The following ADGRV1 variants were observed in gnomAD, a reference collection of about 807,000 sequenced individuals.
The protein encoded by ADGRV1 is G-protein coupled receptor 98.
ADGRV1 carries 359 observed loss-of-function variants against 596.2 expected under a neutral mutation model. The observed-to-expected ratio is 0.60, with a 90% CI of 0.55 to 0.66. The LOEUF (loss-of-function observed/expected upper bound fraction) is 0.66. Ranked by LOEUF, ADGRV1 falls within the 30% of genes least tolerant of loss-of-function variation. The pLI, the probability that ADGRV1 is intolerant of heterozygous loss-of-function variation, is 0.00. For synonymous variants in ADGRV1, 2,681 were observed against 2,679.2 expected (o/e 1.00, Z -0.02); for missense variants, 7,274 against 7,575.6 (o/e 0.96, Z 1.48).
In ADGRV1 at chr5:90,952,119, C is replaced by T. The variant is rs576608570; in HGVS notation, c.17857-13296C>T. ...ACTATTTATATTTGCCCATAGTCTG[C>T]ATTGTACTTTTAAAATTCTTTCTCT... On this transcript the variant is annotated intron_variant, in intron 83 of 89. Transcript: ENST00000405460. Among the ~76,000 whole-genome samples the T allele has an allele frequency of 2.0e-5, 3 of 152,298 alleles. No homozygotes were observed. The South Asian group carries it at 6.2e-4, about 32-fold the overall frequency.
intron 85 of ADGRV1, among the ~76,000 whole-genome samples, chr5:91,006,361 T>C (rs892545382): frequency 6.6e-6 from 1 of 152,110 alleles, no homozygotes. Context: ...AAAATGAATA[T>C]TTGTAAAGAG....
At chr5:90,559,052 G>A in intron 1 of ADGRV1, 135 bp downstream of exon 1, 1 of 681,342 alleles carries the variant, frequency 1.5e-6, no homozygotes, top group Non-Finnish European at 2.2e-6. Flanking sequence ...CAGGGAGGCT[G>A]GGCGCGCACC....
intron 83 of ADGRV1, among the ~76,000 whole-genome samples, chr5:90,923,023 A>AT (rs1292883390): frequency 7.1e-6 from 1 of 140,606 alleles, no homozygotes; most frequent in African/African-American, 2.4e-5. Flanking sequence ...TAATGGTCCT[A>AT]TAAGAAGTTA....
At chr5:91,031,225 C>A in intron 85 of ADGRV1, 1 of 1,589,318 alleles carries the variant, frequency 6.3e-7, no homozygotes, top group South Asian at 1.1e-5. Flanking sequence ...CCATGTGGTT[C>A]CTTCAAGGGG....
At chr5:90,800,056 A>G (rs1324767370) in intron 70 of ADGRV1, among the ~76,000 whole-genome samples, 1 of 152,222 alleles carries the variant, frequency 6.6e-6, no homozygotes, top group Non-Finnish European at 1.5e-5. Context: ...AGCAATGGCA[A>G]CGGAAGCCAA....
chr5:90,766,109 CTGTG>C (rs1277544689), intron 59 of ADGRV1, among the ~76,000 whole-genome samples: 20 of 152,058 alleles, frequency 1.3e-4, no homozygotes, highest in Non-Finnish European at 2.2e-4. Context: ...CAGGGTTTCA[CTGTG>C]TTAGCCAGGA....
chr5:91,016,385 A>C (rs935779752), intron 85 of ADGRV1, among the ~76,000 whole-genome samples: 1 of 151,964 alleles, frequency 6.6e-6, no homozygotes, highest in Non-Finnish European at 1.5e-5. Context: ...CTTCACACAC[A>C]TGTGAACAAA....
rs759324291 is a variant in ADGRV1, at chr5:90,729,728, A to T, written c.10513A>T (p.Asn3505Tyr). 2 of 1,613,238 alleles carry T rather than the reference A, an allele frequency of 1.2e-6. No individual in the cohort carries two copies. Among genetic ancestry groups the T allele is most frequent in the Admixed American group, 1.7e-5 (1 of 59,996 alleles). Residue 3505 changes from asparagine (N) to tyrosine (Y), a missense_variant, in exon 50 of 90, where the codon AAC (asparagine) becomes TAC (tyrosine). Physicochemically the swap from Asn to Tyr is moderately radical, Grantham distance 143. This residue lies in a region of ADGRV1 where 3,643 missense variants were observed against 3,809.2 expected (regional missense o/e 0.96). Coordinates refer to ENST00000405460, the MANE Select transcript of ADGRV1 (RefSeq NM_032119.4). ...YFQSVDFAAV[N>Y]RIHSFTPASG... ...TCAGTCTGTAGATTTTGCTGCTGTT[A>T]ACAGAATCCACTCCTTCACACCAGC...
At chr5:91,095,217 T>G (rs4608951) in intron 86 of ADGRV1, among the ~76,000 whole-genome samples, 76,716 of 151,550 alleles carry the variant, frequency 0.51, 22,466 homozygotes, top group Non-Finnish European at 0.64. Context: ...TTTTTTTTTT[T>G]TTTACACGGG....
At chr5:90,927,137 A>T (rs1010837923) in intron 83 of ADGRV1, among the ~76,000 whole-genome samples, 1 of 150,150 alleles carries the variant, frequency 6.7e-6, no homozygotes, top group African/African-American at 2.5e-5. Context: ...AGTTCTGTAG[A>T]TGTCTATTAG....
In ADGRV1 at chr5:90,666,835, T is replaced by G. The variant is rs1347569530; in HGVS notation, c.4753-5711T>G. 9.5e-4 allele frequency among the ~76,000 whole-genome samples: 144 copies of G among 151,760 alleles called. No homozygotes were observed. The East Asian group carries it at 0.011, about 11-fold the overall frequency. ...TGACAAAATCTCTCAGCATTTGCTT[T>G]TCTGTAAAGTATTTTATTTCTCCTT... On this transcript the variant is annotated intron_variant, in intron 21 of 89. Coordinates refer to ENST00000405460, the MANE Select transcript of ADGRV1 (RefSeq NM_032119.4).
At chr5:91,089,767 A>C (rs1790221765) in intron 86 of ADGRV1, among the ~76,000 whole-genome samples, 1 of 152,214 alleles carries the variant, frequency 6.6e-6, no homozygotes, top group South Asian at 2.1e-4. Flanking sequence ...GGCCAAATAC[A>C]TAGTCATCTA....
chr5:90,575,692 C>T (rs1174017588), intron 1 of ADGRV1, among the ~76,000 whole-genome samples: 1 of 152,168 alleles, frequency 6.6e-6, no homozygotes, highest in Non-Finnish European at 1.5e-5. Flanking sequence ...ACAGGCCTGG[C>T]AACTTTGACC....
At chr5:90,903,437 C>T (rs1772033934) in intron 83 of ADGRV1, among the ~76,000 whole-genome samples, 1 of 151,852 alleles carries the variant, frequency 6.6e-6, no homozygotes, top group Admixed American at 6.6e-5. Context: ...AGTCCCCTAC[C>T]AGTTTAAATA....
At chr5:91,097,509 G>T (rs537462985) in intron 86 of ADGRV1, among the ~76,000 whole-genome samples, 3 of 152,128 alleles carry the variant, frequency 2.0e-5, no homozygotes, top group Non-Finnish European at 2.9e-5. Context: ...CCACCTTTTG[G>T]CTATTGTGAT....
intron 80 of ADGRV1, 97 bp from the exon 81 acceptor site, chr5:90,853,965 G>A: frequency 1.2e-6 from 1 of 831,106 alleles, no homozygotes; most frequent in Non-Finnish European, 1.9e-6. Flanking sequence ...ACAAATGACT[G>A]TAGCTACTAG....
chr5:90,566,180 T>C (rs1755610100), intron 1 of ADGRV1, among the ~76,000 whole-genome samples: 1 of 152,204 alleles, frequency 6.6e-6, no homozygotes. Context: ...TGAATTAATT[T>C]ATTTAACTTT....
At chr5:90,664,826 G>A (rs1417039502) in intron 21 of ADGRV1, among the ~76,000 whole-genome samples, 1 of 139,176 alleles carries the variant, frequency 7.2e-6, no homozygotes, top group Non-Finnish European at 1.5e-5. Flanking sequence ...AGCATGAAGG[G>A]TTGTTGAATG....
intron 78 of ADGRV1, among the ~76,000 whole-genome samples, chr5:90,842,965 A>G (rs1270724567): frequency 6.6e-6 from 1 of 152,108 alleles, no homozygotes; most frequent in Non-Finnish European, 1.5e-5. Context: ...TTACATATGT[A>G]CATACAGAAA....
Sources: gnomAD v4.1 joint callset for allele counts (sites outside exome capture counted in the v4.1 genomes callset) on GRCh38, gnomAD v4.1.1 for gene constraint, gnomAD v4.1.1 regional missense constraint, MANE v1.5 for transcripts, NCBI Gene and HGNC (gene_info 2026-07-23, HGNC 2026-07-21) for gene names.